Variants in TANGO2 observed in about 807,000 individuals in gnomAD.
TANGO2 encodes transport and Golgi organization protein 2 homolog.
TANGO2 carries 26 observed loss-of-function variants against 39.1 expected under a neutral mutation model. That is an observed-to-expected ratio of 0.67 (90% CI 0.49 to 0.92). The LOEUF is 0.92. Among genes scored for constraint, TANGO2 ranks in the 40% least tolerant of loss-of-function variants. The pLI is 0.00. For missense variants in TANGO2, 326 were observed against 360.1 expected (o/e 0.91, Z 0.77); for synonymous variants, 131 against 144.5 (o/e 0.91, Z 0.67).
chr22:20,031,478 T>C (rs1376142635), intron 1 of TANGO2, among the ~76,000 whole-genome samples: 1 of 152,212 alleles, frequency 6.6e-6, no homozygotes, highest in African/African-American at 2.4e-5. Flanking sequence ...TTTGCCCACC[T>C]CACAGGCTCT....
At chr22:20,037,115 G>A in intron 2 of TANGO2, 1 of 1,510,548 alleles carries the variant, frequency 6.6e-7, no homozygotes, top group Non-Finnish European at 8.8e-7. Flanking sequence ...GGAGTGACAT[G>A]GGTCCAGGTG....
At position 20,064,780 on chromosome 22, in the gene TANGO2, C is replaced by A; in HGVS notation, c.*118C>A. ...ACTGCCCGTGGCTTGGCCAGCATCC[C>A]CCGGATCAGGGCCCTGTGGTTTGCG... On this transcript the variant is annotated 3_prime_UTR_variant, in exon 9 of 9. Transcript: ENST00000327374. The A allele has an allele frequency of 7.6e-7, 1 of 1,322,358 alleles. No individual in the cohort carries two copies. The highest frequency in any genetic ancestry group is 2.5e-5 in the East Asian group (1 of 40,780). The allele number at this position is 1,322,358 out of a possible 1,614,324, so 81.9% of individuals were successfully genotyped here. A position where few individuals can be genotyped will look rare whatever the true frequency, so the allele number is the denominator to read the frequency against.
At position 20,026,806 on chromosome 22, in the gene TANGO2, G is replaced by A. The variant is rs541244932; in HGVS notation, c.-40+5560G>A. 1.1e-4 allele frequency among the ~76,000 whole-genome samples: 17 copies of A among 152,336 alleles called. No individual in the cohort carries two copies. The East Asian group carries it at 2.1e-3, about 19-fold the overall frequency. On this transcript the variant is annotated intron_variant, in intron 1 of 8. Transcript: ENST00000327374. ...CATTTCCCACACTGCATACACCCTG[G>A]AGGCAGGTGAGTGGCAACAGGTTCT...
At chr22:20,048,682 C>T (rs752011891) in intron 3 of TANGO2, among the ~76,000 whole-genome samples, 16 of 151,326 alleles carry the variant, frequency 1.1e-4, no homozygotes, top group Non-Finnish European at 1.9e-4. Context: ...GAGTCTTACT[C>T]TGTTGCCAGG....
intron 2 of TANGO2, among the ~76,000 whole-genome samples, chr22:20,038,553 C>T (rs1213852058): frequency 2.6e-5 from 4 of 152,184 alleles, no homozygotes; most frequent in Non-Finnish European, 4.4e-5. Context: ...ACTCAGAACC[C>T]GTGTGTTGCT....
At chr22:20,044,359 C>CA (rs940146647) in intron 3 of TANGO2, among the ~76,000 whole-genome samples, 12 of 150,858 alleles carry the variant, frequency 8.0e-5, no homozygotes, top group South Asian at 4.2e-4. Context: ...CCTGTCTCTA[C>CA]AAAAAAAAAT....
chr22:20,045,499 CTTTTTTTT>C (rs695487), intron 3 of TANGO2, among the ~76,000 whole-genome samples: 6 of 112,536 alleles, frequency 5.3e-5, no homozygotes, highest in African/African-American at 2.1e-4. Context: ...GCCATCACTT[CTTTTTTTT>C]TTTTTTTTTT....
At chr22:20,022,596 C>T (rs2039931210) in intron 1 of TANGO2, among the ~76,000 whole-genome samples, 1 of 152,262 alleles carries the variant, frequency 6.6e-6, no homozygotes, top group Non-Finnish European at 1.5e-5. Flanking sequence ...GCCTCTTGTG[C>T]TTCCTTGGTC....
At chr22:20,023,624 G>T (rs1050363870) in intron 1 of TANGO2, among the ~76,000 whole-genome samples, 1 of 151,266 alleles carries the variant, frequency 6.6e-6, no homozygotes, top group Non-Finnish European at 1.5e-5. Flanking sequence ...GGAGGCCGAG[G>T]CGGGTGGATC....
rs34082990 is a variant in TANGO2 at position 20,064,620 on chromosome 22, C to T, written c.789C>T (p.Ser263=). 1,431 of 1,614,162 alleles carry T rather than the reference C, an allele frequency of 8.9e-4. 12 individuals carry two copies. In the African/African-American group the frequency reaches 0.015, roughly 17 times the overall value. Residue 263 remains serine, a synonymous_variant, in exon 9 of 9, where the codon TCC becomes TCT. Coordinates refer to ENST00000327374, the MANE Select transcript of TANGO2 (RefSeq NM_152906.7). The part of the protein sequence containing the change: ...TERSMMDKDL[S]HWETRTYEFT... ...GTAGCATGATGGACAAGGACCTCTC[C>T]CACTGGGAGACCAGAACCTATGAGT...
chr22:20,054,194 T>A, intron 5 of TANGO2: 1 of 224,846 alleles, frequency 4.4e-6, no homozygotes, highest in Non-Finnish European at 9.1e-6. Context: ...GCATCCCTTG[T>A]GTGTGGCATG....
At chr22:20,056,264 C>A in intron 6 of TANGO2, 1 of 671,216 alleles carries the variant, frequency 1.5e-6, no homozygotes, top group Non-Finnish European at 2.7e-6. Context: ...GGCTTCCCAC[C>A]GCAGCCCTGC....
intron 1 of TANGO2, among the ~76,000 whole-genome samples, chr22:20,023,770 A>G (rs1235009637): frequency 6.6e-6 from 1 of 151,922 alleles, no homozygotes; most frequent in Non-Finnish European, 1.5e-5. Flanking sequence ...AGGCAGGAGA[A>G]TGGCGTGAAC....
At chr22:20,052,025 T>G (rs1239520581) in intron 3 of TANGO2, among the ~76,000 whole-genome samples, 3 of 151,688 alleles carry the variant, frequency 2.0e-5, no homozygotes, top group Non-Finnish European at 2.9e-5. Flanking sequence ...TTGGCGGGGG[T>G]GAAGGTCCTG....
At chr22:20,035,420 G>A (rs1455922077) in intron 1 of TANGO2, among the ~76,000 whole-genome samples, 1 of 152,230 alleles carries the variant, frequency 6.6e-6, no homozygotes, top group Non-Finnish European at 1.5e-5. Context: ...CACTGGCTCT[G>A]CCCTGGAGCC....
chr22:20,052,344 C>G, intron 3 of TANGO2, 121 bp from the exon 4 acceptor site: 1 of 1,424,272 alleles, frequency 7.0e-7, no homozygotes, highest in Non-Finnish European at 9.5e-7. Flanking sequence ...AGCCGCATGT[C>G]GAACGTCCTC....
chr22:20,041,737 T>C (rs695326), intron 2 of TANGO2, among the ~76,000 whole-genome samples: 72,575 of 152,106 alleles, frequency 0.48, 18,386 homozygotes, highest in East Asian at 0.71. Flanking sequence ...TGAGCCACCG[T>C]ACCCAGCTGT....
At chr22:20,047,012 G>A (rs1161396218) in intron 3 of TANGO2, among the ~76,000 whole-genome samples, 1 of 152,196 alleles carries the variant, frequency 6.6e-6, no homozygotes, top group Non-Finnish European at 1.5e-5. Flanking sequence ...GAAGGGGAAG[G>A]GGAGGTGGTA....
chr22:20,031,316 ACGACTGCACCTGGG>A (rs1185354908), intron 1 of TANGO2, among the ~76,000 whole-genome samples: 1 of 152,220 alleles, frequency 6.6e-6, no homozygotes, highest in Non-Finnish European at 1.5e-5. Context: ...CTATGATCAC[ACGACTGCACCTGGG>A]CGACAGAGTG....
Sources: gnomAD v4.1 joint callset for allele counts (sites outside exome capture counted in the v4.1 genomes callset) on GRCh38, gnomAD v4.1.1 for gene constraint, MANE v1.5 for transcripts, NCBI Gene and HGNC (gene_info 2026-07-23, HGNC 2026-07-21) for gene names.